Variants in PCDH11X observed in about 807,000 individuals in gnomAD.
The protein encoded by PCDH11X is protocadherin 11 X-linked.
A neutral mutation model predicts 53.3 loss-of-function variants in PCDH11X; 18 were observed. The ratio of observed to expected loss-of-function variants is 0.34; its 90% confidence interval spans 0.23 to 0.50. The LOEUF is 0.50. PCDH11X is among the 20% of genes least tolerant of loss of function. The probability of loss-of-function intolerance (pLI) is 0.98; values close to 1 mark genes in which losing one functional copy is unlikely to be tolerated. For synonymous variants in PCDH11X, 279 were observed against 393.3 expected (o/e 0.71, Z 3.44); for missense variants, 570 against 1,032.4 (o/e 0.55, Z 6.14).
chrX:92,366,075 T>C (rs913915385), intron 8 of PCDH11X, among the ~76,000 whole-genome samples: 10 of 109,928 alleles, frequency 9.1e-5, no homozygotes, highest in African/African-American at 3.3e-4. Flanking sequence ...TTCCTTTTTG[T>C]ACCTCTGGGA....
At chrX:91,797,293 T>G (rs544775413) in intron 1 of PCDH11X, among the ~76,000 whole-genome samples, 1,149 of 108,840 alleles carry the variant, frequency 0.011, 10 homozygotes, top group Middle Eastern at 0.038. Flanking sequence ...CCTTTGATAA[T>G]TCTACTTTTG....
chrX:91,983,376 A>T, intron 6 of PCDH11X: 1 of 1,099,939 alleles, frequency 9.1e-7, no homozygotes, highest in South Asian at 1.8e-5. Flanking sequence ...GCTGAGCCTG[A>T]GCTTGTAAAT....
At chrX:92,521,156 A>T (rs1290175069) in intron 10 of PCDH11X, among the ~76,000 whole-genome samples, 4 of 111,894 alleles carry the variant, frequency 3.6e-5, no homozygotes, top group Non-Finnish European at 5.6e-5. Context: ...ACTTATCCAA[A>T]TAATTTTCAA....
At chrX:92,514,557 C>G (rs1337599319) in intron 10 of PCDH11X, among the ~76,000 whole-genome samples, 2 of 104,941 alleles carry the variant, frequency 1.9e-5, no homozygotes, top group Non-Finnish European at 3.9e-5. Context: ...TGGTGAATCC[C>G]CATCTTTACT....
At chrX:92,420,222 T>C (rs770230046) in intron 9 of PCDH11X, among the ~76,000 whole-genome samples, 11 of 112,042 alleles carry the variant, frequency 9.8e-5, no homozygotes, top group African/African-American at 3.6e-4. Flanking sequence ...AGTTGTCATA[T>C]GGGTTACAAC....
At chrX:92,352,916 C>T (rs891342140) in intron 8 of PCDH11X, among the ~76,000 whole-genome samples, 10 of 109,750 alleles carry the variant, frequency 9.1e-5, no homozygotes, top group Admixed American at 9.8e-5. Flanking sequence ...TCTATGGATT[C>T]TCTTGGCTTT....
chrX:91,986,951 G>T (rs1349735116), intron 6 of PCDH11X, among the ~76,000 whole-genome samples: 4 of 110,444 alleles, frequency 3.6e-5, no homozygotes, highest in Non-Finnish European at 5.7e-5. Flanking sequence ...CTGTCTAAAA[G>T]TTTGCCTGAG....
intron 10 of PCDH11X, among the ~76,000 whole-genome samples, chrX:92,546,729 C>T (rs1184850099): frequency 9.0e-6 from 1 of 110,931 alleles, no homozygotes; most frequent in Non-Finnish European, 1.9e-5. Flanking sequence ...TTTGTGTTTC[C>T]TTGCAGTATT....
rs183920758 is a variant in PCDH11X, at chrX:92,165,579, A to G, written c.3034-35796A>G. ...GTCGTTGGCTTTGTTGTAAAATCCCATGACTGTAACCATAATTATATACAA... is the reference window on the plus strand; with the variant it reads ...GTCGTTGGCTTTGTTGTAAAATCCCGTGACTGTAACCATAATTATATACAA... On this transcript the variant is annotated intron_variant, in intron 6 of 10. Transcript: ENST00000682573. Among the ~76,000 whole-genome samples, 62 of 112,108 alleles carry G rather than the reference A, an allele frequency of 5.5e-4. No homozygotes were observed. The Admixed American group carries it at 5.9e-3, about 11-fold the overall frequency.
At chrX:92,357,771 C>T (rs1364775982) in intron 8 of PCDH11X, among the ~76,000 whole-genome samples, 3 of 111,488 alleles carry the variant, frequency 2.7e-5, no homozygotes, top group Admixed American at 1.9e-4. Flanking sequence ...TTACTTGTAT[C>T]GATCTCATTA....
chrX:92,214,943 G>C (rs905491995), intron 7 of PCDH11X, among the ~76,000 whole-genome samples: 2 of 111,514 alleles, frequency 1.8e-5, no homozygotes, highest in African/African-American at 6.5e-5. Flanking sequence ...AGCTACTTGG[G>C]AGGCTGAGAT....
At chrX:92,456,625 G>A (rs1161055545) in intron 9 of PCDH11X, among the ~76,000 whole-genome samples, 1 of 111,343 alleles carries the variant, frequency 9.0e-6, no homozygotes, top group Admixed American at 9.6e-5. Flanking sequence ...ACAGCATTTG[G>A]TTTATTCAAA....
At chrX:92,384,815 C>A (rs943056449) in intron 8 of PCDH11X, among the ~76,000 whole-genome samples, 39 of 104,525 alleles carry the variant, frequency 3.7e-4, no homozygotes, top group Non-Finnish European at 5.9e-4. Context: ...CCTCCAGCTG[C>A]ATGACTCCTA....
At chrX:92,475,501 C>G (rs2073364199) in intron 10 of PCDH11X, among the ~76,000 whole-genome samples, 1 of 112,004 alleles carries the variant, frequency 8.9e-6, no homozygotes, top group East Asian at 2.8e-4. Flanking sequence ...TCATGCCACT[C>G]TCTCATGCCC....
At chrX:92,512,185 G>T (rs2148707621) in intron 10 of PCDH11X, among the ~76,000 whole-genome samples, 1 of 108,599 alleles carries the variant, frequency 9.2e-6, no homozygotes, top group African/African-American at 3.3e-5. Flanking sequence ...TTTCTCTAAG[G>T]CACCAGCATA....
intron 4 of PCDH11X, among the ~76,000 whole-genome samples, chrX:91,832,395 A>G (rs192199186): frequency 8.4e-5 from 9 of 106,612 alleles, no homozygotes; most frequent in African/African-American, 3.1e-4. Flanking sequence ...TTGCAAGGAC[A>G]GAAAACCAAA....
intron 10 of PCDH11X, among the ~76,000 whole-genome samples, chrX:92,562,880 T>C (rs2075153153): frequency 9.1e-6 from 1 of 110,147 alleles, no homozygotes; most frequent in Admixed American, 9.7e-5. Context: ...ACTATCAGCA[T>C]TGTGGTCACA....
chrX:92,365,839 G>T (rs1405850973), intron 8 of PCDH11X, among the ~76,000 whole-genome samples: 1 of 108,896 alleles, frequency 9.2e-6, no homozygotes, highest in Non-Finnish European at 1.9e-5. Flanking sequence ...AAGCTGACTT[G>T]ATCATGGTGG....
At chrX:92,481,759 C>T (rs930124960) in intron 10 of PCDH11X, among the ~76,000 whole-genome samples, 15 of 111,494 alleles carry the variant, frequency 1.3e-4, no homozygotes, top group East Asian at 5.7e-4. Context: ...AAACCCTCTG[C>T]GCTCCTCACT....
Sources: allele counts gnomAD v4.1 joint callset (sites outside exome capture counted in the v4.1 genomes callset), GRCh38; gene constraint gnomAD v4.1.1; transcripts MANE v1.5; gene names NCBI Gene and HGNC (gene_info 2026-07-23, HGNC 2026-07-21).